Variants in DCDC1 observed in about 807,000 individuals in gnomAD.
DCDC1 encodes the protein doublecortin domain-containing protein 1.
In DCDC1, 200 loss-of-function variants were observed where a neutral mutation model predicts 178.3. The observed-to-expected ratio is 1.12, with a 90% CI of 1.00 to 1.26. DCDC1 has a LOEUF of 1.26. Ranked by LOEUF, DCDC1 falls within the 50% of genes most tolerant of loss-of-function variation. The pLI is 0.00. For missense variants in DCDC1, 1,983 were observed against 1,749.2 expected (o/e 1.13, Z -2.38); for synonymous variants, 690 against 604.8 (o/e 1.14, Z -2.07).
intron 20 of DCDC1, among the ~76,000 whole-genome samples, chr11:30,987,404 T>G (rs528312677): frequency 6.6e-6 from 1 of 152,334 alleles, no homozygotes; most frequent in South Asian, 2.1e-4. Flanking sequence ...TGCCAGAAAC[T>G]GTTCTGGGCA....
chr11:31,227,614 CAAATAAAACACAAA>C (rs1180564800), intron 9 of DCDC1, among the ~76,000 whole-genome samples: 1 of 151,824 alleles, frequency 6.6e-6, no homozygotes, highest in Non-Finnish European at 1.5e-5. Context: ...ACAAATGAGA[CAAATAAAACACAAA>C]TGACAAGATA....
chr11:30,892,483 A>G (rs1052518333), intron 36 of DCDC1, among the ~76,000 whole-genome samples: 2 of 152,102 alleles, frequency 1.3e-5, no homozygotes, highest in Non-Finnish European at 2.9e-5. Flanking sequence ...AAATAAATAA[A>G]TAATGTAATA....
chr11:31,059,772 AAG>A (rs1955812221), intron 20 of DCDC1, among the ~76,000 whole-genome samples: 2 of 152,120 alleles, frequency 1.3e-5, no homozygotes, highest in Non-Finnish European at 2.9e-5. Flanking sequence ...CAAAGCAAAT[AAG>A]AGTTACAAAT....
chr11:31,178,847 C>A (rs920528960), intron 9 of DCDC1, among the ~76,000 whole-genome samples: 4 of 152,040 alleles, frequency 2.6e-5, no homozygotes, highest in African/African-American at 9.7e-5. Context: ...CGCCTGCCAC[C>A]ACACCTGGCT....
intron 24 of DCDC1, 46 bp from the exon 25 acceptor site, chr11:30,920,981 C>A (rs986731891): frequency 1.3e-6 from 2 of 1,552,420 alleles, no homozygotes; most frequent in Non-Finnish European, 8.7e-7. Flanking sequence ...CTTACAATTG[C>A]AGAGCATCAG....
intron 8 of DCDC1, 119 bp from the exon 9 acceptor site, chr11:31,241,735 G>C: frequency 2.6e-6 from 1 of 388,356 alleles, no homozygotes; most frequent in Non-Finnish European, 4.6e-6. Context: ...TAACTGACCT[G>C]GGTTAAGTCT....
At chr11:31,001,377 C>A (rs889248149) in intron 20 of DCDC1, among the ~76,000 whole-genome samples, 1 of 152,112 alleles carries the variant, frequency 6.6e-6, no homozygotes, top group South Asian at 2.1e-4. Flanking sequence ...ATATGTCCTT[C>A]CATTTGAACA....
chr11:30,867,868 T>C (rs952184659), intron 38 of DCDC1, among the ~76,000 whole-genome samples: 8 of 152,174 alleles, frequency 5.3e-5, no homozygotes, highest in African/African-American at 1.9e-4. Context: ...CTTTTAAAGC[T>C]GGGTGCAACT....
chr11:30,993,951 G>T (rs894958547), intron 20 of DCDC1, among the ~76,000 whole-genome samples: 1 of 152,050 alleles, frequency 6.6e-6, no homozygotes, highest in Non-Finnish European at 1.5e-5. Flanking sequence ...CTCATTTTAC[G>T]AGCCAGCATT....
At chr11:30,910,161 T>C (rs1420600955) in intron 28 of DCDC1, among the ~76,000 whole-genome samples, 1 of 152,162 alleles carries the variant, frequency 6.6e-6, no homozygotes, top group Non-Finnish European at 1.5e-5. Flanking sequence ...CACAAACGAG[T>C]TGTTTCAATA....
intron 9 of DCDC1, among the ~76,000 whole-genome samples, chr11:31,181,435 C>T (rs1968782354): frequency 6.6e-6 from 1 of 152,206 alleles, no homozygotes; most frequent in Admixed American, 6.5e-5. Context: ...TATCACCCAA[C>T]AGGGGTTGAC....
At chr11:31,016,945 A>C (rs1397343797) in intron 20 of DCDC1, among the ~76,000 whole-genome samples, 1 of 152,214 alleles carries the variant, frequency 6.6e-6, no homozygotes, top group African/African-American at 2.4e-5. Context: ...AATGAACCCG[A>C]AATGCTCTGC....
rs139088186 is a variant in DCDC1, at chr11:31,243,780, C to T, written c.1055-2164G>A. On this transcript the variant is annotated intron_variant, in intron 8 of 38. Transcript: ENST00000684477. ...TTAGGAATACTATGGAAACCAGAAA[C>T]AGCAAAGCAAAGAAAGCAGTATTCA... Among the ~76,000 whole-genome samples the T allele has an allele frequency of 2.0e-4, 30 of 151,838 alleles. No individual in the cohort carries two copies. The East Asian group carries it at 5.8e-3, about 29-fold the overall frequency.
chr11:31,351,549 G>A (rs1951071567), intron 1 of DCDC1, among the ~76,000 whole-genome samples: 1 of 152,076 alleles, frequency 6.6e-6, no homozygotes, highest in Admixed American at 6.6e-5. Flanking sequence ...GCTCAGAAAA[G>A]TTTGTAAATA....
intron 9 of DCDC1, among the ~76,000 whole-genome samples, chr11:31,149,184 T>C (rs1334784026): frequency 1.3e-5 from 2 of 152,250 alleles, no homozygotes; most frequent in African/African-American, 4.8e-5. Flanking sequence ...AACATGCATA[T>C]GTGCATGTGT....
At position 31,159,411 on chromosome 11, in the gene DCDC1, C is replaced by T. The variant is rs79192545; in HGVS notation, c.1222-21627G>A. ...TCCCACAACTATTTGCATATCTACA[C>T]TCTAACCCAGACTGATTTGCATTTA... On this transcript the variant is annotated intron_variant, in intron 9 of 38. Coordinates refer to ENST00000684477, the MANE Select transcript of DCDC1 (RefSeq NM_001387274.1). Among the ~76,000 whole-genome samples the T allele has an allele frequency of 5.4e-3, 825 of 152,236 alleles. 5 individuals are homozygous for T. The highest frequency in any genetic ancestry group is 9.4e-3 in the Non-Finnish European group (638 of 68,010).
Position 30,905,040 on chromosome 11 carries a change from T to C in DCDC1, c.4229A>G (p.Lys1410Arg), listed in dbSNP as rs1439505812. 5 of 1,613,754 alleles carry C rather than the reference T, an allele frequency of 3.1e-6. No homozygotes were observed. Among genetic ancestry groups the C allele is most frequent in the Admixed American group, 1.7e-5 (1 of 59,988 alleles). The change falls in exon 31 of 39, where the codon AAG becomes AGG. Residue 1410 changes from lysine to arginine, a missense_variant. Transcript: ENST00000684477. ...TTTGTATGCAATTATTTTCACTGCC[T>C]TCTGGTGTGTGGCTGCCATGCCACT... is the stretch of plus-strand genomic sequence containing the variant. ...SHSGMAATHQ[K>R]AVKIIAYKNG...
At chr11:31,280,179 G>A (rs1946320889) in intron 7 of DCDC1, among the ~76,000 whole-genome samples, 1 of 151,988 alleles carries the variant, frequency 6.6e-6, no homozygotes, top group African/African-American at 2.4e-5. Flanking sequence ...GCATAGTTAG[G>A]GCCAAAAATA....
At chr11:31,345,055 C>T (rs1404235515) in intron 1 of DCDC1, among the ~76,000 whole-genome samples, 1 of 152,056 alleles carries the variant, frequency 6.6e-6, no homozygotes, top group African/African-American at 2.4e-5. Context: ...TATATCCATG[C>T]TGTTTTGAAT....
Sources: allele counts gnomAD v4.1 joint callset (sites outside exome capture counted in the v4.1 genomes callset), GRCh38; gene constraint gnomAD v4.1.1; transcripts MANE v1.5; gene names NCBI Gene and HGNC (gene_info 2026-07-23, HGNC 2026-07-21).